USP32: variants seen among roughly 807,000 people sequenced by gnomAD.
USP32 encodes the protein ubiquitin carboxyl-terminal hydrolase 32.
In USP32, 59 loss-of-function variants were observed where a neutral mutation model predicts 204.8. The ratio of observed to expected loss-of-function variants is 0.29; its 90% CI spans 0.23 to 0.36. The LOEUF (loss-of-function observed/expected upper bound fraction) is 0.36, where lower values mean the gene tolerates loss of function less well. Among genes scored for constraint, USP32 ranks in the 10% least tolerant of loss-of-function variants. The pLI is 1.00. For synonymous variants in USP32, 517 were observed against 678.4 expected (o/e 0.76, Z 3.70); for missense variants, 1,160 against 1,946.4 (o/e 0.60, Z 7.60).
At chr17:60,322,974 C>T (rs1407581041) in intron 2 of USP32, among the ~76,000 whole-genome samples, 1 of 152,042 alleles carries the variant, frequency 6.6e-6, no homozygotes, top group African/African-American at 2.4e-5. Context: ...CCCACTAGGA[C>T]AGCTATAATA....
At chr17:60,291,092 A>C (rs2087261274) in intron 4 of USP32, among the ~76,000 whole-genome samples, 1 of 152,206 alleles carries the variant, frequency 6.6e-6, no homozygotes, top group Non-Finnish European at 1.5e-5. Context: ...CCAAGACACC[A>C]AAAGGTTAAG....
At chr17:60,407,665 C>A (rs2089987426) in intron 1 of USP32, among the ~76,000 whole-genome samples, 1 of 151,592 alleles carries the variant, frequency 6.6e-6, no homozygotes, top group Non-Finnish European at 1.5e-5. Context: ...GCCTGTAATC[C>A]CAGCTACTCA....
chr17:60,318,322 A>C (rs1253497745), intron 2 of USP32, among the ~76,000 whole-genome samples: 2 of 152,228 alleles, frequency 1.3e-5, no homozygotes, highest in Non-Finnish European at 2.9e-5. Flanking sequence ...TGTTTAGGCT[A>C]ATACAATTTT....
chr17:60,331,574 AT>A (rs747314454), intron 2 of USP32, among the ~76,000 whole-genome samples: 26 of 145,316 alleles, frequency 1.8e-4, no homozygotes, highest in Non-Finnish European at 3.6e-4. Context: ...TCAAAAAAAA[AT>A]AAAATAAACT....
At chr17:60,394,232 G>A (rs747408272), upstream of USP32, among the ~76,000 whole-genome samples, 89 of 152,194 alleles carry the variant, frequency 5.8e-4, 1 homozygote, top group Non-Finnish European at 9.6e-4. Flanking sequence ...TGCAGAGTGC[G>A]AGTTCCGAGT....
chr17:60,269,504 T>C lies in USP32; in HGVS notation c.757A>G (p.Ile253Val). Residue 253 changes from isoleucine (I) to valine (V), a missense_variant, in exon 7 of 34, where the codon ATA (isoleucine) becomes GTA (valine). Around this residue, in one of 8 missense-constraint regions of USP32, gnomAD observed 536 missense variants for 680.9 expected, o/e 0.79. Transcript: ENST00000300896. ...NRDNHIDFKE[I>V]SCGLSACCRG... ...CAACAGGCTGATAACCCACAGGATA[T>C]CTCCTTAAAATCTATGTGATTGTCA... is the stretch of plus-strand genomic sequence containing the variant. 2 of 1,611,796 alleles carry C rather than the reference T, an allele frequency of 1.2e-6. No individual in the cohort carries two copies. The highest frequency in any genetic ancestry group is 1.7e-6 in the Non-Finnish European group (2 of 1,179,318).
chr17:60,236,783 T>A (rs927271603), intron 11 of USP32, among the ~76,000 whole-genome samples: 4 of 152,188 alleles, frequency 2.6e-5, no homozygotes, highest in Non-Finnish European at 4.4e-5. Flanking sequence ...ACCACTAATC[T>A]ATGTTTTGTC....
rs1209555373 is a variant in USP32, at chr17:60,232,475, AATT to A, written c.1239+3660_1239+3662del. Among the ~76,000 whole-genome samples, 213 of 136,820 alleles carry A rather than the reference AATT, an allele frequency of 1.6e-3. 1 individual carries two copies. The highest frequency in any genetic ancestry group is 6.6e-3 in the African/African-American group (202 of 30,686). The allele number at this position is 136,820 out of a possible 152,430, so 89.8% of individuals were successfully genotyped here. On this transcript the variant is annotated intron_variant, in intron 12 of 33. Coordinates refer to ENST00000300896, the MANE Select transcript of USP32 (RefSeq NM_032582.4). ...GGTGTGAGCCATTGCACCTGGCCCAAATTTTTTTTTTTTTTTTTTTTAAACAAG... is the reference window on the plus strand; with the variant it reads ...GGTGTGAGCCATTGCACCTGGCCCAATTTTTTTTTTTTTTTTTTAAACAAG...
At chr17:60,295,606 TC>T (rs1399608906) in intron 3 of USP32, among the ~76,000 whole-genome samples, 3 of 152,208 alleles carry the variant, frequency 2.0e-5, no homozygotes, top group East Asian at 3.8e-4. Flanking sequence ...GTCCAGTGTA[TC>T]CACATGCTAC....
intron 1 of USP32, among the ~76,000 whole-genome samples, chr17:60,364,326 C>T (rs1450907775): frequency 6.6e-6 from 1 of 152,174 alleles, no homozygotes; most frequent in African/African-American, 2.4e-5. Context: ...TATAAGGGAA[C>T]AAACACTCAG....
intron 1 of USP32, among the ~76,000 whole-genome samples, chr17:60,387,689 A>AGGT (rs1215306481): frequency 5.1e-4 from 77 of 152,190 alleles, no homozygotes; most frequent in Non-Finnish European, 9.1e-4. Context: ...ATTACCTCCC[A>AGGT]ATAAACCCAT....
intron 27 of USP32, among the ~76,000 whole-genome samples, chr17:60,197,610 G>GA (rs2084556431): frequency 6.6e-6 from 1 of 150,730 alleles, no homozygotes; most frequent in Non-Finnish European, 1.5e-5. Context: ...GCTGTAAAGG[G>GA]AAAAAAAGAA....
chr17:60,215,886 G>C (rs987893738), intron 16 of USP32, among the ~76,000 whole-genome samples: 2 of 152,062 alleles, frequency 1.3e-5, no homozygotes, highest in African/African-American at 4.8e-5. Flanking sequence ...CCCAAGTAGA[G>C]ACAGGGTCTC....
intron 18 of USP32, among the ~76,000 whole-genome samples, chr17:60,212,874 T>C (rs192225962): frequency 2.6e-4 from 39 of 151,290 alleles, no homozygotes; most frequent in Non-Finnish European, 4.4e-4. Context: ...GTGCCTCAGC[T>C]TCCTGAGTAG....
At chr17:60,214,175 C>G (rs1276753830) in intron 17 of USP32, among the ~76,000 whole-genome samples, 1 of 152,160 alleles carries the variant, frequency 6.6e-6, no homozygotes, top group African/African-American at 2.4e-5. Context: ...CTCCTGACCT[C>G]TGGTGCTCCA....
chr17:60,389,323 C>T (rs2089787482), intron 1 of USP32, among the ~76,000 whole-genome samples: 1 of 152,086 alleles, frequency 6.6e-6, no homozygotes, highest in Admixed American at 6.6e-5. Context: ...TGGTGGATCA[C>T]CTGTGGTTGA....
At chr17:60,208,292 C>T in intron 23 of USP32, 82 bp from the exon 24 acceptor site, 1 of 1,339,420 alleles carries the variant, frequency 7.5e-7, no homozygotes, top group Non-Finnish European at 9.7e-7. Context: ...TATATCTGAC[C>T]TGTAAATATA....
intron 1 of USP32, among the ~76,000 whole-genome samples, chr17:60,376,684 C>T (rs910008226): frequency 4.6e-5 from 7 of 151,846 alleles, no homozygotes; most frequent in Non-Finnish European, 7.4e-5. Flanking sequence ...CCATCACGCC[C>T]AGCTAATTTT....
At chr17:60,323,937 A>G (rs2088171331) in intron 2 of USP32, among the ~76,000 whole-genome samples, 1 of 152,234 alleles carries the variant, frequency 6.6e-6, no homozygotes, top group South Asian at 2.1e-4. Flanking sequence ...CCACCCATGC[A>G]TAAAATAGCT....
Sources: allele counts gnomAD v4.1 joint callset (sites outside exome capture counted in the v4.1 genomes callset), GRCh38; gene constraint gnomAD v4.1.1; regional missense constraint gnomAD v4.1.1; transcripts MANE v1.5; gene names NCBI Gene and HGNC (gene_info 2026-07-23, HGNC 2026-07-21).